FYB1: variants seen among roughly 807,000 people sequenced by gnomAD.
FYB1 encodes the protein FYN binding protein 1.
FYB1 carries 41 observed loss-of-function variants against 94.1 expected under a neutral mutation model. The observed-to-expected ratio is 0.44, with a 90% confidence interval of 0.34 to 0.57. The LOEUF (loss-of-function observed/expected upper bound fraction) is 0.57. Ranked by LOEUF, FYB1 falls within the 20% of genes least tolerant of loss-of-function variation. FYB1 has a pLI of 0.02. For synonymous variants in FYB1, 367 were observed against 353.2 expected, an observed-to-expected ratio of 1.04 and a Z score of -0.44; for missense variants, 1,050 against 976.8, an observed-to-expected ratio of 1.07 and a Z score of -1.00.
At chr5:39,203,130 T>G in intron 1 of FYB1, 143 bp from the exon 2 acceptor site, 1 of 670,620 alleles carries the variant, frequency 1.5e-6, no homozygotes, top group Non-Finnish European at 2.5e-6. Flanking sequence ...TTTATCTTCC[T>G]CTCTGGCAAA....
intron 2 of FYB1, among the ~76,000 whole-genome samples, chr5:39,192,988 T>C (rs1747495885): frequency 6.6e-6 from 1 of 152,082 alleles, no homozygotes; most frequent in African/African-American, 2.4e-5. Context: ...GATTGGCTGA[T>C]TAAAGGCTTA....
At chr5:39,127,059 CAAA>C (rs200980181) in intron 11 of FYB1, among the ~76,000 whole-genome samples, 5 of 77,490 alleles carry the variant, frequency 6.5e-5, no homozygotes, top group Non-Finnish European at 1.1e-4. Flanking sequence ...ACTCAGGTCT[CAAA>C]AAAAAAAAAA....
intron 7 of FYB1, among the ~76,000 whole-genome samples, chr5:39,136,123 G>A (rs962793814): frequency 6.6e-6 from 1 of 151,966 alleles, no homozygotes; most frequent in African/African-American, 2.4e-5. Flanking sequence ...AGGCTAGAGT[G>A]CCGAGGCCCG....
At chr5:39,241,820 A>T (rs1430418092) in intron 1 of FYB1, among the ~76,000 whole-genome samples, 1 of 122,848 alleles carries the variant, frequency 8.1e-6, no homozygotes, top group Admixed American at 8.8e-5. Flanking sequence ...TTCCTGTTAC[A>T]GTTTAAGCTC....
chr5:39,265,453 C>T (rs143238617), intron 1 of FYB1, among the ~76,000 whole-genome samples: 2 of 149,966 alleles, frequency 1.3e-5, no homozygotes, highest in African/African-American at 4.9e-5. Context: ...CACTGCACTC[C>T]AGCCTGGGCG....
chr5:39,268,119 T>C (rs1752509874), intron 1 of FYB1, among the ~76,000 whole-genome samples: 1 of 152,228 alleles, frequency 6.6e-6, no homozygotes, highest in South Asian at 2.1e-4. Flanking sequence ...ATTTATAAAA[T>C]ATGCATTTAA....
intron 1 of FYB1, among the ~76,000 whole-genome samples, chr5:39,213,650 C>T (rs1351520021): frequency 6.6e-6 from 1 of 152,162 alleles, no homozygotes; most frequent in Non-Finnish European, 1.5e-5. Context: ...TTTGAAAAAA[C>T]ATTTAGTCTC....
intron 3 of FYB1, 62 bp downstream of exon 3, chr5:39,153,386 C>G: frequency 1.3e-6 from 2 of 1,581,646 alleles, no homozygotes; most frequent in South Asian, 1.1e-5. Flanking sequence ...TTTGACCAAG[C>G]ACAGTTTGAA....
chr5:39,134,347 C>T lies in FYB1; in HGVS notation c.1678G>A (p.Gly560Ser), dbSNP rs755256716. Residue 560 changes from glycine to serine, a missense_variant and splice_region_variant, in exon 9 of 19, where the codon GGC (glycine) becomes AGC (serine). Physicochemically the swap from Gly to Ser is moderately conservative, Grantham distance 56. Transcript: ENST00000512982. Reference sequence around the variant, plus strand: ...TCTACAGCAGTTGTTTTAATATAGCCATCTACCAAAAAGGGAAATATTTAT... The same window carrying T: ...TCTACAGCAGTTGTTTTAATATAGCTATCTACCAAAAAGGGAAATATTTAT... ...WLGRTARGSY[G>S]YIKTTAVEID... 2.5e-6 allele frequency: 4 copies of T among 1,593,432 alleles called. No homozygotes were observed. Among genetic ancestry groups the T allele is most frequent in the Non-Finnish European group, 1.7e-6 (2 of 1,166,660 alleles).
At chr5:39,110,279 G>A in intron 17 of FYB1, 77 bp downstream of exon 17, 1 of 805,122 alleles carries the variant, frequency 1.2e-6, no homozygotes, top group East Asian at 2.8e-5. Context: ...CATTATTTAA[G>A]TAATATTATA....
intron 1 of FYB1, among the ~76,000 whole-genome samples, chr5:39,209,552 C>T (rs1470156211): frequency 1.3e-5 from 2 of 152,144 alleles, no homozygotes; most frequent in African/African-American, 4.8e-5. Context: ...TCTTGAACTC[C>T]TGACCACAGG....
chr5:39,188,052 C>T (rs750432823), intron 2 of FYB1, among the ~76,000 whole-genome samples: 15 of 152,056 alleles, frequency 9.9e-5, no homozygotes, highest in Non-Finnish European at 1.5e-4. Flanking sequence ...CACCACTCTT[C>T]CAGGCTGACG....
At position 39,162,672 on chromosome 5, in the gene FYB1, C is replaced by T. The variant is rs187285230; in HGVS notation, c.1136-9068G>A. ...TGCACTCCAGCCTGGGCAACAGAGA[C>T]GCCATCTCAAAAAAAAAAAGTTTTG... On this transcript the variant is annotated intron_variant, in intron 2 of 18. Coordinates refer to ENST00000512982, the MANE Select transcript of FYB1 (RefSeq NM_001465.6). Among the ~76,000 whole-genome samples the T allele has an allele frequency of 2.7e-3, 406 of 150,230 alleles. 4 individuals are homozygous for T. Among genetic ancestry groups the T allele is most frequent in the African/African-American group, 8.0e-3 (328 of 40,818 alleles).
intron 2 of FYB1, among the ~76,000 whole-genome samples, chr5:39,190,426 T>C (rs928498018): frequency 1.6e-4 from 24 of 152,136 alleles, no homozygotes; most frequent in African/African-American, 5.6e-4. Flanking sequence ...TGAGGAGCTA[T>C]GGACAATCTT....
At chr5:39,134,449 CCT>C (rs746997185) in intron 8 of FYB1, 100 bp from the exon 9 acceptor site, 14 of 1,066,186 alleles carry the variant, frequency 1.3e-5, no homozygotes, top group East Asian at 5.2e-5. Context: ...TAAACTTTCC[CCT>C]GATTTATTTT....
intron 4 of FYB1, chr5:39,140,122 C>A (rs1019272123): frequency 3.9e-5 from 6 of 152,084 alleles, no homozygotes; most frequent in Non-Finnish European, 7.4e-5. Context: ...AATTACAAGG[C>A]AAAATTAATA....
chr5:39,250,262 G>A (rs1319533536), intron 1 of FYB1, among the ~76,000 whole-genome samples: 1 of 152,180 alleles, frequency 6.6e-6, no homozygotes, highest in African/African-American at 2.4e-5. Flanking sequence ...CTGAGGGAGG[G>A]CAGGCAGAGT....
intron 2 of FYB1, among the ~76,000 whole-genome samples, chr5:39,196,775 C>T (rs183735718): frequency 9.9e-5 from 15 of 152,274 alleles, no homozygotes; most frequent in African/African-American, 2.9e-4. Flanking sequence ...AAGTGGAATG[C>T]GGGTGGGAAC....
intron 1 of FYB1, among the ~76,000 whole-genome samples, chr5:39,219,033 C>A (rs950480744): frequency 6.6e-6 from 1 of 152,180 alleles, no homozygotes; most frequent in African/African-American, 2.4e-5. Flanking sequence ...TCTTTCTCAT[C>A]AAAAGGATGG....
Sources: allele counts gnomAD v4.1 joint callset (sites outside exome capture counted in the v4.1 genomes callset), GRCh38; gene constraint gnomAD v4.1.1; transcripts MANE v1.5; gene names NCBI Gene and HGNC (gene_info 2026-07-23, HGNC 2026-07-21).